Variants in SDK1 observed in about 807,000 individuals in gnomAD.
The protein encoded by SDK1 is protein sidekick-1.
A neutral mutation model predicts 245.5 loss-of-function variants in SDK1; 157 were observed. The ratio of observed to expected loss-of-function variants is 0.64; its 90% CI spans 0.56 to 0.73. The LOEUF (loss-of-function observed/expected upper bound fraction) is 0.73. Among genes scored for constraint, SDK1 ranks in the 30% least tolerant of loss-of-function variants. The pLI, the probability that SDK1 is intolerant of heterozygous loss-of-function variation, is 0.00. For synonymous variants in SDK1, 1,647 were observed against 1,278.5 expected, an observed-to-expected ratio of 1.29 and a Z score of -6.15; for missense variants, 3,583 against 3,002.3, an observed-to-expected ratio of 1.19 and a Z score of -4.52.
chr7:3,529,789 C>T (rs1313193623), intron 1 of SDK1, among the ~76,000 whole-genome samples: 5 of 152,186 alleles, frequency 3.3e-5, no homozygotes, highest in Admixed American at 6.5e-5. Context: ...ACCAGGTGGT[C>T]GAGGGGTGGG....
rs370304011 is a variant in SDK1, at chr7:3,488,221, A to G, written c.299-130859A>G. Among the ~76,000 whole-genome samples the G allele has an allele frequency of 1.9e-4, 29 of 151,966 alleles. No homozygotes were observed. In the East Asian group the frequency reaches 2.9e-3, roughly 15 times the overall value. Reference sequence around the variant, plus strand: ...TTCCCTCTGCCACTCCTCCTCCCCAATTTTATGCTGTGTCTTTTCCTCTAA... The same window carrying G: ...TTCCCTCTGCCACTCCTCCTCCCCAGTTTTATGCTGTGTCTTTTCCTCTAA... On this transcript the variant is annotated intron_variant, in intron 1 of 44. Transcript: ENST00000404826.
At chr7:3,537,727 C>G (rs1207927348) in intron 1 of SDK1, among the ~76,000 whole-genome samples, 2 of 152,210 alleles carry the variant, frequency 1.3e-5, no homozygotes, top group Non-Finnish European at 2.9e-5. Context: ...GAACTTGACT[C>G]TTGATGTGTC....
At chr7:3,872,956 C>A (rs1160802519) in intron 5 of SDK1, among the ~76,000 whole-genome samples, 1 of 152,158 alleles carries the variant, frequency 6.6e-6, no homozygotes. Context: ...TTTACTATTA[C>A]AGCTTTAACC....
intron 12 of SDK1, 87 bp from the exon 13 acceptor site, chr7:3,974,282 A>T: frequency 9.3e-7 from 1 of 1,070,438 alleles, no homozygotes; most frequent in Non-Finnish European, 1.4e-6. Flanking sequence ...CAAGATTGTT[A>T]GTTGCTTGCT....
intron 41 of SDK1, among the ~76,000 whole-genome samples, chr7:4,235,799 C>T (rs17134655): frequency 0.21 from 31,848 of 152,186 alleles, 3,397 homozygotes; most frequent in Middle Eastern, 0.27. Flanking sequence ...CTCATCAGTC[C>T]TTCAGGGAAG....
At chr7:3,974,694 A>G (rs995935170) in intron 13 of SDK1, 149 bp downstream of exon 13, 2 of 634,124 alleles carry the variant, frequency 3.2e-6, no homozygotes, top group African/African-American at 1.8e-5. Context: ...ATAACTACAT[A>G]TATGGACAAG....
At chr7:4,049,235 G>A in intron 17 of SDK1, 113 bp from the exon 18 acceptor site, 1 of 720,840 alleles carries the variant, frequency 1.4e-6, no homozygotes, top group Non-Finnish European at 2.4e-6. Flanking sequence ...CTCGGTCTCA[G>A]TGCAATAATT....
chr7:3,597,770 C>T (rs1449277796), intron 1 of SDK1, among the ~76,000 whole-genome samples: 1 of 152,076 alleles, frequency 6.6e-6, no homozygotes, highest in Non-Finnish European at 1.5e-5. Context: ...TTGTTTTTGA[C>T]TTTTTTCACC....
At chr7:3,744,150 T>C (rs906279547) in intron 4 of SDK1, among the ~76,000 whole-genome samples, 1 of 152,080 alleles carries the variant, frequency 6.6e-6, no homozygotes, top group Admixed American at 6.6e-5. Flanking sequence ...TCCTAAGATT[T>C]TTCCATGGCC....
At chr7:3,588,091 C>T (rs1210276973) in intron 1 of SDK1, among the ~76,000 whole-genome samples, 1 of 152,182 alleles carries the variant, frequency 6.6e-6, no homozygotes, top group Non-Finnish European at 1.5e-5. Context: ...TTTGGTGGAT[C>T]TACGAGCCCT....
In SDK1 at chr7:3,447,798, G is replaced by A. The variant is rs541939559; in HGVS notation, c.298+145914G>A. Among the ~76,000 whole-genome samples the A allele has an allele frequency of 7.3e-5, 11 of 149,696 alleles. No individual in the cohort carries two copies. In the South Asian group the frequency reaches 1.1e-3, roughly 14 times the overall value. ...CGGCTCACCGCAACCTCTGCCTCCC[G>A]GGTTCAAGTGATTCTCCTGCCTCAG... is the stretch of plus-strand genomic sequence containing the variant. On this transcript the variant is annotated intron_variant, in intron 1 of 44. Transcript: ENST00000404826.
chr7:3,624,932 C>G (rs1028215699), intron 2 of SDK1, among the ~76,000 whole-genome samples: 14 of 152,098 alleles, frequency 9.2e-5, no homozygotes, highest in Non-Finnish European at 1.9e-4. Flanking sequence ...GTAATCCCAG[C>G]TACTCGGGAG....
intron 1 of SDK1, among the ~76,000 whole-genome samples, chr7:3,346,825 ATATTTTTTTT>A (rs1337336766): frequency 1.1e-4 from 3 of 27,620 alleles, no homozygotes; most frequent in African/African-American, 1.7e-4. Flanking sequence ...ATATATATAT[ATATTTTTTTT>A]TTTTTTTTTT....
chr7:3,332,823 G>GT (rs556334722), intron 1 of SDK1, among the ~76,000 whole-genome samples: 33 of 152,274 alleles, frequency 2.2e-4, no homozygotes, highest in Admixed American at 7.2e-4. Flanking sequence ...AATCTGCCAA[G>GT]TTTTTTATGT....
intron 32 of SDK1, among the ~76,000 whole-genome samples, chr7:4,172,465 GGTTTTGCCTC>G (rs1489187350): frequency 6.6e-6 from 1 of 152,164 alleles, no homozygotes; most frequent in Non-Finnish European, 1.5e-5. Flanking sequence ...TCCACGTTTG[GGTTTTGCCTC>G]GTGAGTAGCA....
chr7:3,349,792 CG>C (rs1780609215), intron 1 of SDK1, among the ~76,000 whole-genome samples: 2 of 151,808 alleles, frequency 1.3e-5, no homozygotes, highest in South Asian at 4.2e-4. Flanking sequence ...TTAGTAGAGA[CG>C]GGGTTTCACC....
chr7:3,732,175 T>A (rs1379202547), intron 4 of SDK1, among the ~76,000 whole-genome samples: 1 of 152,198 alleles, frequency 6.6e-6, no homozygotes, highest in East Asian at 1.9e-4. Context: ...TTTCTCTGTG[T>A]TGAAGTAGGT....
intron 44 of SDK1, among the ~76,000 whole-genome samples, chr7:4,246,228 C>T (rs572376339): frequency 7.9e-5 from 12 of 152,272 alleles, no homozygotes; most frequent in Admixed American, 6.5e-4. Flanking sequence ...AGGTTTCTTG[C>T]AGAGCAGAGT....
intron 14 of SDK1, among the ~76,000 whole-genome samples, chr7:4,005,039 C>CTTTTTTTTTTT (rs1162979240): frequency 6.6e-5 from 6 of 91,002 alleles, no homozygotes; most frequent in African/African-American, 1.4e-4. Flanking sequence ...GTTCCTGCAC[C>CTTTTTTTTTTT]TTTTTTTTTT....
Sources: allele counts gnomAD v4.1 joint callset (sites outside exome capture counted in the v4.1 genomes callset), GRCh38; gene constraint gnomAD v4.1.1; transcripts MANE v1.5; gene names NCBI Gene and HGNC (gene_info 2026-07-23, HGNC 2026-07-21).